The following MYCBP2 variants were observed in gnomAD, a reference collection of about 807,000 sequenced individuals.
The protein encoded by MYCBP2 is MYC binding protein 2.
In MYCBP2, 120 loss-of-function variants were observed where a neutral mutation model predicts 525.3. The observed-to-expected ratio is 0.23, with a 90% confidence interval of 0.20 to 0.27. The LOEUF is 0.27. Ranked by LOEUF, MYCBP2 falls within the 10% of genes least tolerant of loss-of-function variation. The probability of loss-of-function intolerance (pLI) is 1.00; values close to 1 mark genes in which losing one functional copy is unlikely to be tolerated. For synonymous variants in MYCBP2, 1,894 were observed against 1,955.8 expected (o/e 0.97, Z 0.83); for missense variants, 4,149 against 5,657.1 (o/e 0.73, Z 8.55).
chr13:77,150,775 T>C lies in MYCBP2; in HGVS notation c.7090A>G (p.Ile2364Val). 3 of 1,614,144 alleles carry C rather than the reference T, an allele frequency of 1.9e-6. No individual in the cohort carries two copies. Among genetic ancestry groups the C allele is most frequent in the Non-Finnish European group, 2.5e-6 (3 of 1,180,004 alleles). The change falls in exon 47 of 83, where the codon ATA becomes GTA. Residue 2364 changes from isoleucine to valine, a missense_variant. Around this residue, in one of 21 missense-constraint regions of MYCBP2, gnomAD observed 692 missense variants for 852.7 expected, o/e 0.81. Coordinates refer to ENST00000544440, the MANE Select transcript of MYCBP2 (RefSeq NM_015057.5). ...GCAATATATCGAGCTTCCTTCACTA[T>C]CATTGGTTCATATGAAACATCTAGC... ...PKLDVSYEPM[I>V]VKEARYIAIT...
intron 37 of MYCBP2, 100 bp downstream of exon 37, chr13:77,174,211 A>C: frequency 9.6e-7 from 1 of 1,040,510 alleles, no homozygotes; most frequent in South Asian, 1.8e-5. Flanking sequence ...TACACTGTAC[A>C]ATTTAATTAT....
At chr13:77,266,872 T>C (rs181021878) in intron 8 of MYCBP2, among the ~76,000 whole-genome samples, 3 of 151,946 alleles carry the variant, frequency 2.0e-5, no homozygotes, top group Admixed American at 1.3e-4. Flanking sequence ...TGAAATGTCA[T>C]ATTTACTTTA....
At chr13:77,237,385 T>C (rs1015150775) in intron 17 of MYCBP2, among the ~76,000 whole-genome samples, 2 of 152,068 alleles carry the variant, frequency 1.3e-5, no homozygotes, top group Non-Finnish European at 2.9e-5. Context: ...TTTAATAGAG[T>C]AAGATATTAG....
intron 21 of MYCBP2, among the ~76,000 whole-genome samples, chr13:77,212,380 C>T (rs1056651320): frequency 1.3e-5 from 2 of 151,910 alleles, no homozygotes; most frequent in African/African-American, 4.8e-5. Context: ...TTAAAAAGTG[C>T]ATTATTTTTT....
chr13:77,145,404 G>A (rs771214647), intron 48 of MYCBP2, among the ~76,000 whole-genome samples: 6 of 151,970 alleles, frequency 3.9e-5, no homozygotes, highest in Non-Finnish European at 5.9e-5. Context: ...TCTGACTACC[G>A]TTTAATTTAA....
intron 34 of MYCBP2, 150 bp downstream of exon 34, chr13:77,179,977 G>A (rs7334244): frequency 0.98 from 585,579 of 595,772 alleles, 287,924 homozygotes; most frequent in East Asian, 1. Flanking sequence ...AGTAGGAGGT[G>A]GAGAGAAAGG....
chr13:77,059,450 T>C, intron 77 of MYCBP2, 73 bp downstream of exon 77: 2 of 1,139,310 alleles, frequency 1.8e-6, no homozygotes. Context: ...GAGCTAAAAC[T>C]CTTTTCTGTA....
rs749105386 is a variant in MYCBP2 at position 77,180,284 on chromosome 13, C to T, written c.4976G>A (p.Arg1659His). 1.4e-5 allele frequency: 23 copies of T among 1,613,966 alleles called. No individual in the cohort carries two copies. The highest frequency in any genetic ancestry group is 5.5e-5 in the South Asian group (5 of 91,080). The change falls in exon 34 of 83, where the codon CGT becomes CAT. Residue 1659 changes from arginine to histidine, a missense_variant. This residue lies in a region of MYCBP2 where 292 missense variants were observed against 330.5 expected (regional missense o/e 0.88). Coordinates refer to ENST00000544440, the MANE Select transcript of MYCBP2 (RefSeq NM_015057.5). ...GACCAGCATTTTCTCCAGAACTTCA[C>T]GGAAGCTTGTCATCCCTGAGATATT... ...EENISGMTSF[R>H]EVLEKMLVIV...
chr13:77,054,665 A>AAC (rs1191891408), intron 80 of MYCBP2, among the ~76,000 whole-genome samples: 1 of 151,820 alleles, frequency 6.6e-6, no homozygotes, highest in Non-Finnish European at 1.5e-5. Context: ...CAGTGGCACA[A>AAC]ACACAGCTCA....
chr13:77,228,790 T>C (rs1380286363), intron 18 of MYCBP2, among the ~76,000 whole-genome samples: 1 of 151,812 alleles, frequency 6.6e-6, no homozygotes, highest in African/African-American at 2.4e-5. Flanking sequence ...AACTAAAATA[T>C]TATATGTATG....
chr13:77,217,451 A>G (rs575084684), intron 21 of MYCBP2, among the ~76,000 whole-genome samples: 87 of 152,322 alleles, frequency 5.7e-4, no homozygotes, highest in Middle Eastern at 6.8e-3. Flanking sequence ...ATCAAATAAA[A>G]AAAACTAGGC....
chr13:77,257,573 C>G (rs2072473018), intron 14 of MYCBP2, 98 bp downstream of exon 14: 2 of 1,188,854 alleles, frequency 1.7e-6, no homozygotes, highest in Non-Finnish European at 2.3e-6. Context: ...AAAAGAAGAG[C>G]CACTCATTTT....
intron 26 of MYCBP2, among the ~76,000 whole-genome samples, chr13:77,197,678 A>AG (rs2061901961): frequency 6.6e-6 from 1 of 152,138 alleles, no homozygotes; most frequent in South Asian, 2.1e-4. Context: ...GCCAGGTGGA[A>AG]GGGGATGAAC....
At chr13:77,086,719 ATTG>A (rs1430367985) in intron 62 of MYCBP2, among the ~76,000 whole-genome samples, 2 of 152,022 alleles carry the variant, frequency 1.3e-5, no homozygotes, top group Non-Finnish European at 2.9e-5. Flanking sequence ...TGTCCAACTG[ATTG>A]TTTTTTAAAT....
Position 77,165,812 on chromosome 13 carries a change from A to T in MYCBP2, c.6341-421T>A, listed in dbSNP as rs944327131. ...ATAGGCAGGTCAGAGTGGAAAGAAG[A>T]AGTTTCTGAAATGAAATTGCCTATT... On this transcript the variant is annotated intron_variant, in intron 41 of 82. Transcript: ENST00000544440. Among the ~76,000 whole-genome samples the T allele has an allele frequency of 2.6e-5, 4 of 152,314 alleles. No homozygotes were observed. In the East Asian group the frequency reaches 7.7e-4, roughly 29 times the overall value.
intron 73 of MYCBP2, among the ~76,000 whole-genome samples, chr13:77,063,827 C>T (rs1014286696): frequency 3.3e-5 from 5 of 152,148 alleles, no homozygotes; most frequent in Non-Finnish European, 5.9e-5. Flanking sequence ...GAAAGCAACA[C>T]ATGAGTGGTA....
At chr13:77,268,853 T>C (rs1487858877) in intron 7 of MYCBP2, among the ~76,000 whole-genome samples, 1 of 152,084 alleles carries the variant, frequency 6.6e-6, no homozygotes, top group Non-Finnish European at 1.5e-5. Context: ...CATGTAACAA[T>C]AGTAATTTCC....
At chr13:77,268,184 T>C (rs2074365709) in intron 7 of MYCBP2, among the ~76,000 whole-genome samples, 1 of 152,188 alleles carries the variant, frequency 6.6e-6, no homozygotes, top group Admixed American at 6.5e-5. Flanking sequence ...ACAGTACAGT[T>C]ACAAACATTT....
rs1045612472 is a variant in MYCBP2, at chr13:77,058,926, A to C, written c.13141-520T>G. On this transcript the variant is annotated intron_variant, in intron 77 of 82. Coordinates refer to ENST00000544440, the MANE Select transcript of MYCBP2 (RefSeq NM_015057.5). The surrounding 1 kb of genome is among the most constrained non-coding windows in gnomAD (Gnocchi z 4.1). ...CTTGAACCCGGGAGGCGGAGGTTGC[A>C]GTGAGCCGAGATCGTGCCACTGTAC... is the stretch of plus-strand genomic sequence containing the variant. Among the ~76,000 whole-genome samples, 2 of 152,176 alleles carry C rather than the reference A, an allele frequency of 1.3e-5. No individual in the cohort carries two copies. The highest frequency in any genetic ancestry group is 3.8e-4 in the East Asian group (2 of 5,204).
Sources: gnomAD v4.1 joint callset for allele counts (sites outside exome capture counted in the v4.1 genomes callset) on GRCh38, gnomAD v4.1.1 for gene constraint, gnomAD v4.1.1 regional missense constraint, Gnocchi (gnomAD v3.1) non-coding constraint, MANE v1.5 for transcripts, NCBI Gene and HGNC (gene_info 2026-07-23, HGNC 2026-07-21) for gene names.